The following ZMYM4 variants were observed in gnomAD, a reference collection of about 807,000 sequenced individuals.
ZMYM4 encodes the protein zinc finger MYM-type containing 4.
Under a neutral mutation model 183.2 loss-of-function variants are expected in ZMYM4, and 31 were observed. The ratio of observed to expected loss-of-function variants is 0.17; its 90% CI spans 0.13 to 0.23. ZMYM4 has a LOEUF of 0.23. Ranked by LOEUF, ZMYM4 falls within the 10% of genes least tolerant of loss-of-function variation. ZMYM4 has a pLI of 1.00. For missense variants in ZMYM4, 1,273 were observed against 1,840.3 expected, an observed-to-expected ratio of 0.69 and a Z score of 5.64; for synonymous variants, 592 against 631.2, an observed-to-expected ratio of 0.94 and a Z score of 0.93.
At chr1:35,339,483 C>T (rs901711948) in intron 2 of ZMYM4, among the ~76,000 whole-genome samples, 23 of 152,158 alleles carry the variant, frequency 1.5e-4, no homozygotes, top group Non-Finnish European at 3.1e-4. Flanking sequence ...GATCCGCCTG[C>T]CTTGGCCTCC....
intron 1 of ZMYM4, among the ~76,000 whole-genome samples, chr1:35,324,737 C>G (rs1309592936): frequency 6.6e-6 from 1 of 152,158 alleles, no homozygotes; most frequent in Non-Finnish European, 1.5e-5. Flanking sequence ...CAGGAACCTC[C>G]AAAGTAAGGA....
intron 2 of ZMYM4, among the ~76,000 whole-genome samples, chr1:35,333,004 C>A (rs933711139): frequency 2.6e-5 from 4 of 152,118 alleles, no homozygotes; most frequent in Non-Finnish European, 4.4e-5. Context: ...AAGCTATAGA[C>A]CCCACATCTT....
intron 2 of ZMYM4, among the ~76,000 whole-genome samples, chr1:35,329,718 TC>T (rs979463910): frequency 6.6e-6 from 1 of 152,156 alleles, no homozygotes; most frequent in Non-Finnish European, 1.5e-5. Flanking sequence ...TTAAAAATTC[TC>T]CCTTTTTCTG....
intron 1 of ZMYM4, among the ~76,000 whole-genome samples, chr1:35,312,806 C>T (rs773759899): frequency 2.6e-5 from 4 of 151,680 alleles, no homozygotes; most frequent in African/African-American, 4.8e-5. Flanking sequence ...CTGCAACCTC[C>T]GCCTCCCAGG....
At chr1:35,286,391 A>G (rs1640481786) in intron 1 of ZMYM4, among the ~76,000 whole-genome samples, 1 of 152,160 alleles carries the variant, frequency 6.6e-6, no homozygotes, top group South Asian at 2.1e-4. Flanking sequence ...CCAAAAAAAT[A>G]GAACCAGGCT....
intron 5 of ZMYM4, among the ~76,000 whole-genome samples, chr1:35,366,280 T>A (rs1644076917): frequency 6.6e-6 from 1 of 152,308 alleles, no homozygotes; most frequent in South Asian, 2.1e-4. Flanking sequence ...GATTTTTTCT[T>A]GATCATAGTA....
rs112815830 is a variant in ZMYM4 at position 35,397,593 on chromosome 1, A to G, written c.3199+48A>G. ...AAGAAAGAAAAAACACGTTTTACAC[A>G]TTTTCAGGTGACTCAAGTAATTTTA... On this transcript the variant is annotated intron_variant, in intron 20 of 29. Coordinates refer to ENST00000314607, the MANE Select transcript of ZMYM4 (RefSeq NM_005095.3). 5.2e-5 allele frequency: 78 copies of G among 1,492,020 alleles called. 3 individuals carry two copies. Among genetic ancestry groups the G allele is most frequent in the African/African-American group, 5.1e-4 (36 of 70,928 alleles). 92.4% of individuals were successfully genotyped at this position (1,492,020 alleles called of 1,614,324 possible). A position where few individuals can be genotyped will look rare whatever the true frequency, so the allele number is the denominator to read the frequency against.
intron 2 of ZMYM4, among the ~76,000 whole-genome samples, chr1:35,354,374 A>G (rs1366194925): frequency 2.0e-5 from 3 of 152,180 alleles, no homozygotes; most frequent in African/African-American, 7.2e-5. Context: ...TTTCTGCTAT[A>G]AATATTCTTT....
chr1:35,358,784 T>C, intron 2 of ZMYM4, 141 bp from the exon 3 acceptor site: 1 of 726,234 alleles, frequency 1.4e-6, no homozygotes, highest in Non-Finnish European at 2.2e-6. Flanking sequence ...GTCACACCTA[T>C]ATCAAAGTGT....
chr1:35,418,020 A>AG, intron 28 of ZMYM4, among the ~76,000 whole-genome samples: 1 of 152,200 alleles, frequency 6.6e-6, no homozygotes, highest in East Asian at 1.9e-4. Context: ...AAAAAAAAAA[A>AG]AGAGATGGCA....
At chr1:35,284,793 G>C (rs1266406162) in intron 1 of ZMYM4, among the ~76,000 whole-genome samples, 1 of 152,130 alleles carries the variant, frequency 6.6e-6, no homozygotes, top group Non-Finnish European at 1.5e-5. Context: ...GTGTTTGTGA[G>C]GTGAGAGAGA....
rs148174163 is a variant in ZMYM4 at position 35,329,289 on chromosome 1, A to G, written c.85+3884A>G. Among the ~76,000 whole-genome samples, 386 of 152,336 alleles carry G rather than the reference A, an allele frequency of 2.5e-3. 2 individuals are homozygous for G. The highest frequency in any genetic ancestry group is 9.0e-3 in the African/African-American group (374 of 41,576). ...AAGTTTGTTCTCCTGTGTCAGGACA[A>G]TTTGTGATGTGGATTTTTAAAGATA... On this transcript the variant is annotated intron_variant, in intron 2 of 29. Coordinates refer to ENST00000314607, the MANE Select transcript of ZMYM4 (RefSeq NM_005095.3).
chr1:35,282,979 G>GTTTTTTT (rs1452098602), intron 1 of ZMYM4, among the ~76,000 whole-genome samples: 7 of 43,274 alleles, frequency 1.6e-4, no homozygotes, highest in Admixed American at 1.5e-3. Flanking sequence ...CTGTGTGTGT[G>GTTTTTTT]GTTTTTTTTT....
chr1:35,346,882 AT>A (rs1489136213), intron 2 of ZMYM4, among the ~76,000 whole-genome samples: 6 of 152,206 alleles, frequency 3.9e-5, no homozygotes, highest in South Asian at 2.1e-4. Context: ...GTCAACAAAT[AT>A]GACTTTTTGC....
chr1:35,268,968 G>A lies in ZMYM4; in HGVS notation c.-79G>A. On this transcript the variant is annotated 5_prime_UTR_variant, in exon 1 of 30. In the 5' UTR this introduces an upstream ATG that the reference lacks. Transcript: ENST00000314607. ...CTGCCGCGAGGCGGCCGTGCCTGCA[G>A]TGTGGGCGGGGGCCGGGGGGCCGAG... The A allele has an allele frequency of 6.9e-7, 1 of 1,453,018 alleles. No homozygotes were observed. Among genetic ancestry groups the A allele is most frequent in the Non-Finnish European group, 9.1e-7 (1 of 1,099,296 alleles). 90.0% of individuals were successfully genotyped at this position (1,453,018 alleles called of 1,614,324 possible).
At chr1:35,297,018 G>A (rs765525812) in intron 1 of ZMYM4, among the ~76,000 whole-genome samples, 37 of 151,500 alleles carry the variant, frequency 2.4e-4, no homozygotes, top group Non-Finnish European at 4.0e-4. Context: ...CCCTGCTAAC[G>A]TTTGCATTTT....
chr1:35,399,398 C>T, intron 22 of ZMYM4, 84 bp from the exon 23 acceptor site: 3 of 1,217,942 alleles, frequency 2.5e-6, no homozygotes, highest in Non-Finnish European at 3.5e-6. Flanking sequence ...GTGATGATTA[C>T]CTGATATTTC....
chr1:35,290,618 T>C (rs752733090), intron 1 of ZMYM4, among the ~76,000 whole-genome samples: 1 of 151,598 alleles, frequency 6.6e-6, no homozygotes, highest in African/African-American at 2.4e-5. Context: ...TTGTAGAGAT[T>C]GGGGTCTTGC....
Position 35,387,110 on chromosome 1 carries a change from T to G in ZMYM4, c.1944T>G (p.Gly648=). 7 of 1,614,206 alleles carry G rather than the reference T, an allele frequency of 4.3e-6. No homozygotes were observed. Among genetic ancestry groups the G allele is most frequent in the Non-Finnish European group, 5.9e-6 (7 of 1,180,030 alleles). Residue 648 remains glycine, a synonymous_variant, in exon 12 of 30, where the codon GGT becomes GGG. Transcript: ENST00000314607. ...PTGSTVSAGG[G]STSAVSPTSI... The stretch of plus-strand genomic sequence containing the variant: ...GTTCCACAGTGTCAGCCGGAGGAGG[T>G]AGCACATCTGCTGTTTCTCCCACCT...
Sources: gnomAD v4.1 joint callset for allele counts (sites outside exome capture counted in the v4.1 genomes callset) on GRCh38, gnomAD v4.1.1 for gene constraint, MANE v1.5 for transcripts, NCBI Gene and HGNC (gene_info 2026-07-23, HGNC 2026-07-21) for gene names.